Variants in TNFRSF21 observed in about 807,000 individuals in gnomAD.
TNFRSF21 encodes tumor necrosis factor receptor superfamily member 21.
Under a neutral mutation model 45.6 loss-of-function variants are expected in TNFRSF21, and 19 were observed. The observed-to-expected ratio is 0.42, with a 90% CI of 0.29 to 0.61. TNFRSF21 has a LOEUF of 0.61. Among genes scored for constraint, TNFRSF21 ranks in the 20% least tolerant of loss-of-function variants. The pLI is 0.23. For missense variants in TNFRSF21, 737 were observed against 851.5 expected (o/e 0.87, Z 1.67); for synonymous variants, 314 against 335.5 (o/e 0.94, Z 0.70).
rs770016561 is a variant in TNFRSF21 at position 47,284,187 on chromosome 6, T to C, written c.994A>G (p.Lys332Glu). 6.2e-7 allele frequency: 1 copy of C among 1,614,242 alleles called. No individual in the cohort carries two copies. The highest frequency in any genetic ancestry group is 1.7e-5 in the Admixed American group (1 of 60,030). Reference sequence around the variant, plus strand: ...AGGTTCTGTCTAGGATGTCCCCTCTTGGGGCCCTTGATGGGCGTGCTGGAC... The same window carrying C: ...AGGTTCTGTCTAGGATGTCCCCTCTCGGGGCCCTTGATGGGCGTGCTGGAC... ...EKSSTPIKGP[K>E]RGHPRQNLHK... is the part of the protein sequence containing the mutation. Residue 332 changes from lysine to glutamate, a missense_variant, in exon 3 of 6, where the codon AAG becomes GAG. Coordinates refer to ENST00000296861, the MANE Select transcript of TNFRSF21 (RefSeq NM_014452.5).
chr6:47,258,936 A>G (rs550672838), intron 3 of TNFRSF21, among the ~76,000 whole-genome samples: 1 of 152,364 alleles, frequency 6.6e-6, no homozygotes, highest in East Asian at 1.9e-4. Flanking sequence ...GCTGTGTTCT[A>G]ATAAAACTCG....
At chr6:47,308,371 T>G (rs1310818804) in intron 1 of TNFRSF21, among the ~76,000 whole-genome samples, 1 of 152,142 alleles carries the variant, frequency 6.6e-6, no homozygotes, top group African/African-American at 2.4e-5. Flanking sequence ...CAAGCTCTTG[T>G]TTCTTGGGGG....
intron 4 of TNFRSF21, among the ~76,000 whole-genome samples, chr6:47,242,770 G>A (rs1222092044): frequency 2.0e-5 from 3 of 152,196 alleles, no homozygotes; most frequent in Non-Finnish European, 2.9e-5. Context: ...TGAATAAGTG[G>A]GTTCTCTTGG....
chr6:47,246,802 GA>G (rs1262221213), intron 4 of TNFRSF21, among the ~76,000 whole-genome samples: 1 of 151,726 alleles, frequency 6.6e-6, no homozygotes, highest in Non-Finnish European at 1.5e-5. Context: ...ATATAGTCTT[GA>G]AAAAAAACTA....
rs116259088 is a variant in TNFRSF21 at position 47,295,641 on chromosome 6, G to C, written c.97-9046C>G. Among the ~76,000 whole-genome samples the C allele has an allele frequency of 1.9e-3, 283 of 152,274 alleles. 2 individuals carry two copies. The highest frequency in any genetic ancestry group is 6.4e-3 in the African/African-American group (267 of 41,544). ...TTATTTTGAGCATCACATTAAATGT[G>C]TAATATCAAGACACTGGCTGTTTAG... On this transcript the variant is annotated intron_variant, in intron 1 of 5. Coordinates refer to ENST00000296861, the MANE Select transcript of TNFRSF21 (RefSeq NM_014452.5).
At chr6:47,308,843 G>C (rs150608028) in intron 1 of TNFRSF21, among the ~76,000 whole-genome samples, 176 of 152,388 alleles carry the variant, frequency 1.2e-3, no homozygotes, top group Middle Eastern at 6.8e-3. Flanking sequence ...AGGGTAAAGG[G>C]ATTGAGGAGG....
chr6:47,270,489 C>T (rs1762399106), intron 3 of TNFRSF21, among the ~76,000 whole-genome samples: 1 of 152,204 alleles, frequency 6.6e-6, no homozygotes, highest in African/African-American at 2.4e-5. Flanking sequence ...AGGTCATCTA[C>T]ACCAAAACCC....
At chr6:47,303,503 A>G (rs1762900516) in intron 1 of TNFRSF21, among the ~76,000 whole-genome samples, 1 of 152,164 alleles carries the variant, frequency 6.6e-6, no homozygotes, top group South Asian at 2.1e-4. Context: ...ACTGACAAGA[A>G]AATCTTCTGG....
intron 4 of TNFRSF21, among the ~76,000 whole-genome samples, chr6:47,250,178 GA>G (rs915125518): frequency 1.3e-5 from 2 of 152,098 alleles, no homozygotes; most frequent in African/African-American, 4.8e-5. Context: ...TAAAGACAGA[GA>G]AAAAAATCAA....
chr6:47,238,692 C>T (rs1454292335), intron 4 of TNFRSF21, among the ~76,000 whole-genome samples: 2 of 152,180 alleles, frequency 1.3e-5, no homozygotes, highest in Admixed American at 1.3e-4. Flanking sequence ...ACACCTAAAG[C>T]TCTGCTGCTG....
chr6:47,233,759 C>T (rs569250088), intron 5 of TNFRSF21, among the ~76,000 whole-genome samples: 43 of 151,048 alleles, frequency 2.8e-4, no homozygotes, highest in Non-Finnish European at 4.9e-4. Flanking sequence ...TTTATAAATA[C>T]GTAAAATATC....
intron 4 of TNFRSF21, among the ~76,000 whole-genome samples, chr6:47,251,894 T>G (rs1319266383): frequency 1.3e-5 from 2 of 152,216 alleles, no homozygotes; most frequent in African/African-American, 2.4e-5. Context: ...CACTGGTGTA[T>G]GCCTCTGAAT....
At chr6:47,264,967 A>G (rs1466346758) in intron 3 of TNFRSF21, among the ~76,000 whole-genome samples, 2 of 152,204 alleles carry the variant, frequency 1.3e-5, no homozygotes, top group Admixed American at 1.3e-4. Context: ...CCCATAGGAA[A>G]TCTGGGCTGA....
chr6:47,301,053 T>C (rs150532061), intron 1 of TNFRSF21, among the ~76,000 whole-genome samples: 3 of 152,334 alleles, frequency 2.0e-5, no homozygotes, highest in Non-Finnish European at 4.4e-5. Context: ...AAGAGAATTC[T>C]ACACCCACTA....
At chr6:47,266,440 A>T (rs927540085) in intron 3 of TNFRSF21, among the ~76,000 whole-genome samples, 61 of 152,178 alleles carry the variant, frequency 4.0e-4, no homozygotes, top group African/African-American at 1.1e-3. Context: ...CTTGAGTAGT[A>T]CATTGTGGAT....
At chr6:47,234,502 G>A (rs1582310428) in intron 5 of TNFRSF21, among the ~76,000 whole-genome samples, 168 bp downstream of exon 5, 1 of 152,318 alleles carries the variant, frequency 6.6e-6, no homozygotes, top group African/African-American at 2.4e-5. Context: ...CAATGGCGAG[G>A]TTACTCTCGG....
chr6:47,289,036 G>A (rs533281309), intron 1 of TNFRSF21, among the ~76,000 whole-genome samples: 191 of 152,348 alleles, frequency 1.3e-3, no homozygotes, highest in African/African-American at 4.4e-3. Context: ...GTCCTTCTGA[G>A]AAGAGACTGG....
In TNFRSF21 at chr6:47,284,088, TCAC is replaced by T; in HGVS notation, c.1090_1092del (p.Val364del). Reference sequence around the variant, plus strand: ...CTTTTCCGGATACTGCACACCACAATCACCACAAGCACCAGCAGCAGGAAAAGC... The same window carrying T: ...CTTTTCCGGATACTGCACACCACAATCACAAGCACCAGCAGCAGGAAAAGC... On this transcript the variant is annotated inframe_deletion, in exon 3 of 6. Coordinates refer to ENST00000296861, the MANE Select transcript of TNFRSF21 (RefSeq NM_014452.5). The T allele has an allele frequency of 1.9e-6, 3 of 1,614,080 alleles. No homozygotes were observed. Among genetic ancestry groups the T allele is most frequent in the Non-Finnish European group, 1.7e-6 (2 of 1,180,004 alleles).
At chr6:47,245,671 G>A (rs1274030257) in intron 4 of TNFRSF21, among the ~76,000 whole-genome samples, 2 of 148,512 alleles carry the variant, frequency 1.3e-5, no homozygotes, top group African/African-American at 5.1e-5. Context: ...TTCTTTCTCA[G>A]TAATACATAA....
Sources: allele counts gnomAD v4.1 joint callset (sites outside exome capture counted in the v4.1 genomes callset), GRCh38; gene constraint gnomAD v4.1.1; transcripts MANE v1.5; gene names NCBI Gene and HGNC (gene_info 2026-07-23, HGNC 2026-07-21).